Variants in TBL1XR1 observed in about 807,000 individuals in gnomAD.
The protein encoded by TBL1XR1 is TBL1X/Y related 1.
In TBL1XR1, 5 loss-of-function variants were observed where a neutral mutation model predicts 66.9. The ratio of observed to expected loss-of-function variants is 0.07; its 90% CI spans 0.04 to 0.16. The LOEUF is 0.16. TBL1XR1 is among the 10% of genes least tolerant of loss of function. The pLI is 1.00. For synonymous variants in TBL1XR1, 210 were observed against 206.0 expected, an observed-to-expected ratio of 1.02 and a Z score of -0.17; for missense variants, 238 against 623.2, an observed-to-expected ratio of 0.38 and a Z score of 6.58.
At chr3:177,039,709 C>A (rs1377064119) in intron 10 of TBL1XR1, among the ~76,000 whole-genome samples, 1 of 152,092 alleles carries the variant, frequency 6.6e-6, no homozygotes. Context: ...TCAAAGACTG[C>A]ATTTAAAGCA....
intron 2 of TBL1XR1, among the ~76,000 whole-genome samples, chr3:177,092,424 T>C (rs1722951982): frequency 6.6e-6 from 1 of 152,044 alleles, no homozygotes; most frequent in Non-Finnish European, 1.5e-5. Flanking sequence ...TGTAGAAAAC[T>C]TCACAGGACA....
At chr3:177,045,380 C>G (rs1283977321) in intron 10 of TBL1XR1, among the ~76,000 whole-genome samples, 1 of 152,084 alleles carries the variant, frequency 6.6e-6, no homozygotes, top group Non-Finnish European at 1.5e-5. Flanking sequence ...TCGGGAAACT[C>G]ACTGAAAAGC....
At chr3:177,059,377 CTA>C (rs1718216448) in intron 3 of TBL1XR1, among the ~76,000 whole-genome samples, 1 of 152,104 alleles carries the variant, frequency 6.6e-6, no homozygotes, top group African/African-American at 2.4e-5. Flanking sequence ...AATGAATGAG[CTA>C]TATGTTACAT....
At chr3:177,173,520 G>C (rs1366965351) in intron 1 of TBL1XR1, among the ~76,000 whole-genome samples, 1 of 152,086 alleles carries the variant, frequency 6.6e-6, no homozygotes, top group African/African-American at 2.4e-5. Flanking sequence ...CATAACCTCA[G>C]TCTAATCATT....
chr3:177,084,137 A>G (rs1721833399), intron 2 of TBL1XR1, among the ~76,000 whole-genome samples: 1 of 152,116 alleles, frequency 6.6e-6, no homozygotes, highest in Admixed American at 6.5e-5. Flanking sequence ...CTTACACAAA[A>G]TACAACGGAC....
intron 3 of TBL1XR1, among the ~76,000 whole-genome samples, chr3:177,062,909 C>T (rs1165279162): frequency 1.3e-5 from 2 of 151,926 alleles, no homozygotes; most frequent in Non-Finnish European, 2.9e-5. Context: ...CCAAGGCGGG[C>T]GGATCACCTA....
intron 2 of TBL1XR1, among the ~76,000 whole-genome samples, chr3:177,070,857 A>C (rs1053573396): frequency 9.2e-5 from 14 of 151,468 alleles, no homozygotes; most frequent in Admixed American, 5.9e-4. Context: ...AAAAAAAAAT[A>C]AATAAATAAA....
At chr3:177,117,408 A>C (rs1726431175) in intron 1 of TBL1XR1, among the ~76,000 whole-genome samples, 1 of 152,232 alleles carries the variant, frequency 6.6e-6, no homozygotes, top group Non-Finnish European at 1.5e-5. Context: ...CAGTATTTTA[A>C]AATAGTACCT....
At chr3:177,055,060 T>G (rs1717622429) in intron 3 of TBL1XR1, among the ~76,000 whole-genome samples, 1 of 152,208 alleles carries the variant, frequency 6.6e-6, no homozygotes, top group Non-Finnish European at 1.5e-5. Context: ...ATATAGAATA[T>G]TAATAAACAT....
At chr3:177,066,096 C>T (rs1479237630) in intron 2 of TBL1XR1, among the ~76,000 whole-genome samples, 3 of 152,042 alleles carry the variant, frequency 2.0e-5, no homozygotes, top group Admixed American at 6.6e-5. Flanking sequence ...AAATATCTAA[C>T]GTGGAACTAT....
At chr3:177,119,058 G>A (rs1324474018) in intron 1 of TBL1XR1, among the ~76,000 whole-genome samples, 3 of 151,926 alleles carry the variant, frequency 2.0e-5, no homozygotes, top group South Asian at 4.2e-4. Context: ...TGTAACCTCC[G>A]CCTCCTACGT....
chr3:177,131,910 A>T (rs1345966969), intron 1 of TBL1XR1, among the ~76,000 whole-genome samples: 6 of 145,960 alleles, frequency 4.1e-5, no homozygotes, highest in African/African-American at 7.7e-5. Flanking sequence ...GAAGTTTAAA[A>T]AAAAAAAAAA....
intron 2 of TBL1XR1, among the ~76,000 whole-genome samples, chr3:177,084,370 G>C (rs1005997306): frequency 1.3e-5 from 2 of 152,190 alleles, no homozygotes; most frequent in Non-Finnish European, 2.9e-5. Flanking sequence ...CACAATAGAT[G>C]AGGTCTGTCT....
Position 177,164,443 on chromosome 3 carries a change from G to A in TBL1XR1, c.-122+32678C>T, listed in dbSNP as rs7433353. Among the ~76,000 whole-genome samples, 7,080 of 151,084 alleles carry A rather than the reference G, an allele frequency of 0.047. 773 individuals are homozygous for A. The East Asian group carries it at 0.49, about 10-fold the overall frequency. The stretch of plus-strand genomic sequence containing the variant: ...TGGCTCACTACAACCTCCATCTCCC[G>A]GGTTGAAGCGATTCTCCTGCCTTAG... On this transcript the variant is annotated intron_variant, in intron 1 of 15. Transcript: ENST00000457928.
At chr3:177,124,192 C>T (rs1195214902) in intron 1 of TBL1XR1, among the ~76,000 whole-genome samples, 1 of 143,330 alleles carries the variant, frequency 7.0e-6, no homozygotes, top group African/African-American at 2.6e-5. Context: ...CAAGACAATA[C>T]CTCCTGTTTT....
chr3:177,058,091 A>G (rs1718034564), intron 3 of TBL1XR1, among the ~76,000 whole-genome samples: 1 of 152,194 alleles, frequency 6.6e-6, no homozygotes, highest in Non-Finnish European at 1.5e-5. Context: ...ATGGACTCTG[A>G]ACACCATGAT....
chr3:177,066,082 A>G (rs1020718658), intron 2 of TBL1XR1, among the ~76,000 whole-genome samples: 21 of 152,308 alleles, frequency 1.4e-4, no homozygotes, highest in African/African-American at 4.8e-4. Flanking sequence ...TATTCAGCAT[A>G]AAGAAATATC....
intron 10 of TBL1XR1, among the ~76,000 whole-genome samples, chr3:177,039,279 A>G (rs767143144): frequency 6.6e-6 from 1 of 152,210 alleles, no homozygotes; most frequent in Non-Finnish European, 1.5e-5. Flanking sequence ...AACTTGTACT[A>G]TCTTTATCCT....
chr3:177,048,450 A>G (rs141529750), intron 7 of TBL1XR1, among the ~76,000 whole-genome samples: 1 of 152,300 alleles, frequency 6.6e-6, no homozygotes, highest in East Asian at 1.9e-4. Context: ...CTCTCAAGCC[A>G]TTTAGCAGTA....
Sources: gnomAD v4.1 joint callset for allele counts (sites outside exome capture counted in the v4.1 genomes callset) on GRCh38, gnomAD v4.1.1 for gene constraint, MANE v1.5 for transcripts, NCBI Gene and HGNC (gene_info 2026-07-23, HGNC 2026-07-21) for gene names.